RET: variants seen among roughly 807,000 people sequenced by gnomAD.
RET encodes the protein proto-oncogene tyrosine-protein kinase receptor Ret.
A neutral mutation model predicts 118.3 loss-of-function variants in RET; 19 were observed. The ratio of observed to expected loss-of-function variants is 0.16; its 90% CI spans 0.11 to 0.24. The LOEUF (loss-of-function observed/expected upper bound fraction) is 0.24. Ranked by LOEUF, RET falls within the 10% of genes least tolerant of loss-of-function variation. The probability of loss-of-function intolerance (pLI) is 1.00; values close to 1 mark genes in which losing one functional copy is unlikely to be tolerated. For missense variants in RET, 1,219 were observed against 1,502.1 expected, an observed-to-expected ratio of 0.81 and a Z score of 3.12; for synonymous variants, 597 against 644.1, an observed-to-expected ratio of 0.93 and a Z score of 1.11.
At position 43,128,138 on chromosome 10, in the gene RET, G is replaced by C. The variant is rs1339225160; in HGVS notation, c.3214G>C (p.Glu1072Gln). The change falls in exon 20 of 20, where the codon GAG becomes CAG. Residue 1072 changes from glutamate to glutamine, a missense_variant. By Grantham distance (29) the Glu-to-Gln change is conservative (BLOSUM62 2). This residue lies in a region of RET where 174 missense variants were observed against 179.3 expected (regional missense o/e 0.97). Transcript: ENST00000355710. ...YGMSDPNWPG[E>Q]SPVPLTRADG... ...CATGTCAGACCCGAACTGGCCTGGA[G>C]AGAGTCCTGTACCACTCACGAGAGC... is the stretch of plus-strand genomic sequence containing the variant. The C allele has an allele frequency of 1.2e-6, 2 of 1,614,174 alleles. No homozygotes were observed. The highest frequency in any genetic ancestry group is 3.3e-5 in the Admixed American group (2 of 60,030).
intron 1 of RET, among the ~76,000 whole-genome samples, chr10:43,077,724 G>T (rs1837080860): frequency 6.6e-6 from 1 of 152,228 alleles, no homozygotes; most frequent in Non-Finnish European, 1.5e-5. Flanking sequence ...GAAAGCCCGC[G>T]ATTCGTGCGG....
chr10:43,085,092 G>A (rs1042320246), intron 1 of RET, among the ~76,000 whole-genome samples: 1 of 152,224 alleles, frequency 6.6e-6, no homozygotes, highest in Non-Finnish European at 1.5e-5. Context: ...AGCTCTGGAG[G>A]CCAGCATGGA....
intron 17 of RET, 47 bp downstream of exon 17, chr10:43,123,855 G>A (rs1244966657): frequency 1.9e-6 from 3 of 1,612,384 alleles, no homozygotes; most frequent in Non-Finnish European, 1.7e-6. Context: ...GAAGGGAGGG[G>A]ACATCTGTGT....
At chr10:43,109,827 G>A (rs181488515) in intron 6 of RET, among the ~76,000 whole-genome samples, 15 of 152,326 alleles carry the variant, frequency 9.8e-5, no homozygotes, top group Admixed American at 6.5e-4. Flanking sequence ...GGCATGAGGC[G>A]TGATCCCTTC....
At position 43,077,340 on chromosome 10, in the gene RET, T is replaced by G. The variant is rs1041204849; in HGVS notation, c.73+9T>G. ...GCCGCTGCTAGGCAAAGGTGAGTTCTGCCGGCCGCCGGCTCCCGCAGGGGC... is the reference window on the plus strand; with the variant it reads ...GCCGCTGCTAGGCAAAGGTGAGTTCGGCCGGCCGCCGGCTCCCGCAGGGGC... On this transcript the variant is annotated intron_variant, in intron 1 of 19. Transcript: ENST00000355710. 19 of 1,506,146 alleles carry G rather than the reference T, an allele frequency of 1.3e-5. No homozygotes were observed. The highest frequency in any genetic ancestry group is 1.6e-5 in the Non-Finnish European group (18 of 1,132,854). The allele number at this position is 1,506,146 out of a possible 1,614,324, so 93.3% of individuals were successfully genotyped here.
intron 1 of RET, 88 bp from the exon 2 acceptor site, chr10:43,100,371 G>A (rs1837609908): frequency 5.3e-6 from 8 of 1,500,380 alleles, no homozygotes; most frequent in Admixed American, 3.5e-5. Context: ...TGCTAAGATC[G>A]GAATTTTAAA....
At position 43,106,452 on chromosome 10, in the gene RET, C is replaced by G; in HGVS notation, c.944C>G (p.Thr315Arg). ...TCAGGGGAGCTGGTGAGGCGGTACA[C>G]AAGCACGCTGCTCCCCGGGGACACC... ...PASGELVRRY[T>R]STLLPGDTWA... The change falls in exon 5 of 20, where the codon ACA becomes AGA. Residue 315 changes from threonine (T) to arginine (R), a missense_variant. Thr to Arg is a moderately conservative substitution (Grantham distance 71). Transcript: ENST00000355710. The surrounding 1 kb of genome is among the most constrained non-coding windows in gnomAD (Gnocchi z 5.1). 1 of 1,613,524 alleles carries G rather than the reference C, an allele frequency of 6.2e-7. No individual in the cohort carries two copies. The highest frequency in any genetic ancestry group is 8.5e-7 in the Non-Finnish European group (1 of 1,179,816).
At chr10:43,103,942 C>T (rs1488280325) in intron 3 of RET, among the ~76,000 whole-genome samples, 2 of 152,200 alleles carry the variant, frequency 1.3e-5, no homozygotes, top group African/African-American at 4.8e-5. Context: ...TTCAGCATGC[C>T]CCCTTTTCTG....
At chr10:43,127,611 T>G (rs1205057084) in intron 19 of RET, 1 of 450,392 alleles carries the variant, frequency 2.2e-6, no homozygotes, top group Non-Finnish European at 3.1e-6. Flanking sequence ...CACTGACTCC[T>G]CACTGGCTTT....
Position 43,104,726 on chromosome 10 carries a change from G to A in RET, c.626-226G>A. 12 of 669,710 alleles carry A rather than the reference G, an allele frequency of 1.8e-5. No individual in the cohort carries two copies. The South Asian group carries it at 2.1e-4, about 12-fold the overall frequency. 41.5% of individuals were successfully genotyped at this position (669,710 alleles called of 1,614,324 possible). On this transcript the variant is annotated intron_variant, in intron 3 of 19. Transcript: ENST00000355710. ...AGTGAGGACGCAGCTGCAGCAGGAC[G>A]TAAGCACAGTCATCGCTGCAAACTG...
intron 3 of RET, among the ~76,000 whole-genome samples, chr10:43,103,100 C>T (rs750184030): frequency 2.6e-5 from 4 of 152,132 alleles, no homozygotes; most frequent in Admixed American, 2.6e-4. Context: ...CCCTCGTGTG[C>T]CTGGAGTGCA....
At chr10:43,127,443 G>T in intron 19 of RET, 1 of 1,053,446 alleles carries the variant, frequency 9.5e-7, no homozygotes, top group Non-Finnish European at 1.1e-6. Flanking sequence ...TCTTACAATG[G>T]ACAGTAAATA....
Position 43,079,227 on chromosome 10 carries a change from TCACAG to T in RET, c.73+1900_73+1904del, listed in dbSNP as rs574139866. Among the ~76,000 whole-genome samples, 149 of 151,948 alleles carry T rather than the reference TCACAG, an allele frequency of 9.8e-4. No individual in the cohort carries two copies. The Middle Eastern group carries it at 0.02, about 21-fold the overall frequency. ...CACCAAGACACACTCCTGCCCCTTC[TCACAG>T]CACTTGCTGCCAAGGCTGTGGACAT... On this transcript the variant is annotated intron_variant, in intron 1 of 19. Coordinates refer to ENST00000355710, the MANE Select transcript of RET (RefSeq NM_020975.6).
intron 5 of RET, among the ~76,000 whole-genome samples, chr10:43,108,803 G>C (rs1003766484): frequency 1.3e-5 from 2 of 152,100 alleles, no homozygotes; most frequent in Non-Finnish European, 2.9e-5. Flanking sequence ...ACACACACAG[G>C]CTGCCTCAAA....
At chr10:43,102,774 TGCCAGGG>T in intron 3 of RET, 145 bp downstream of exon 3, 6 of 988,230 alleles carry the variant, frequency 6.1e-6, no homozygotes, top group Admixed American at 2.0e-5. Context: ...CTTGCATGCC[TGCCAGGG>T]GCCAGGTACT....
At chr10:43,091,629 C>CAAA (rs570828319) in intron 1 of RET, among the ~76,000 whole-genome samples, 1 of 88,112 alleles carries the variant, frequency 1.1e-5, no homozygotes, top group Non-Finnish European at 2.4e-5. Context: ...AGACTCCATA[C>CAAA]AAAAAAAAAA....
intron 5 of RET, among the ~76,000 whole-genome samples, chr10:43,107,440 G>T (rs1440880541): frequency 6.6e-6 from 1 of 152,098 alleles, no homozygotes; most frequent in Non-Finnish European, 1.5e-5. Flanking sequence ...GGGTCATTGG[G>T]TCTGCTGGAG....
chr10:43,098,029 T>G (rs918264199), intron 1 of RET, among the ~76,000 whole-genome samples: 1 of 152,252 alleles, frequency 6.6e-6, no homozygotes, highest in African/African-American at 2.4e-5. Flanking sequence ...TTTTAAGCAT[T>G]TTTTGCCTAT....
Position 43,120,073 on chromosome 10 carries a change from C to T in RET, c.2608-8C>T, listed in dbSNP as rs747105409. The T allele has an allele frequency of 9.3e-6, 15 of 1,613,384 alleles. 2 individuals carry two copies. In the South Asian group the frequency reaches 1.6e-4, roughly 18 times the overall value. ...TGGCCTGACGACTCGTGCTATTTTT[C>T]CTCACAGCTCGTTCATCGGGACTTG... On this transcript the variant is annotated splice_polypyrimidine_tract_variant and splice_region_variant and intron_variant, in intron 14 of 19. Coordinates refer to ENST00000355710, the MANE Select transcript of RET (RefSeq NM_020975.6).
Sources: allele counts gnomAD v4.1 joint callset (sites outside exome capture counted in the v4.1 genomes callset), GRCh38; gene constraint gnomAD v4.1.1; regional missense constraint gnomAD v4.1.1; non-coding constraint Gnocchi (gnomAD v3.1); transcripts MANE v1.5; gene names NCBI Gene and HGNC (gene_info 2026-07-23, HGNC 2026-07-21).